Variants in ANKRD30B observed in about 807,000 individuals in gnomAD.
The protein encoded by ANKRD30B is ankyrin repeat domain 30B, also known as ankyrin repeat domain-containing protein 30B.
In ANKRD30B, 144 loss-of-function variants were observed where a neutral mutation model predicts 202.2. The observed-to-expected ratio is 0.71, with a 90% CI of 0.62 to 0.82. ANKRD30B has a LOEUF of 0.82. ANKRD30B is among the 40% of genes least tolerant of loss of function. ANKRD30B has a pLI of 0.00. For synonymous variants in ANKRD30B, 508 were observed against 561.3 expected, an observed-to-expected ratio of 0.91 and a Z score of 1.34; for missense variants, 1,487 against 1,669.1, an observed-to-expected ratio of 0.89 and a Z score of 1.90.
the ANKRD30B span, among the ~76,000 whole-genome samples, chr18:14,927,190 C>T: frequency 6.6e-6 from 1 of 152,032 alleles, no homozygotes; most frequent in South Asian, 2.1e-4. Flanking sequence ...GGTAAAGGCA[C>T]AAATTACCTT....
chr18:14,774,102 A>G (rs1286461180), intron 9 of ANKRD30B, among the ~76,000 whole-genome samples: 1 of 152,176 alleles, frequency 6.6e-6, no homozygotes, highest in African/African-American at 2.4e-5. Flanking sequence ...GCTTTTAGGT[A>G]TTGGCTGAAG....
At chr18:14,777,740 G>A (rs1323498408) in intron 9 of ANKRD30B, among the ~76,000 whole-genome samples, 3 of 151,448 alleles carry the variant, frequency 2.0e-5, no homozygotes, top group Non-Finnish European at 3.0e-5. Context: ...TCAGGAGTTC[G>A]AGACCAGCCT....
chr18:14,751,123 C>T (rs1251737539), intron 1 of ANKRD30B, among the ~76,000 whole-genome samples: 2 of 151,758 alleles, frequency 1.3e-5, no homozygotes, highest in Non-Finnish European at 2.9e-5. Context: ...TTTATCTCTG[C>T]TTATTGATTT....
rs1912798875 is a variant in ANKRD30B at position 14,748,335 on chromosome 18, G to T, written c.-85G>T. On this transcript the variant is annotated 5_prime_UTR_variant, in exon 1 of 44. Transcript: ENST00000690538. ...GAGCCGGGGGCGGGTGCTGGGGAAG[G>T]GTAAGCGGGAAGCGAGGGCGAGGGG... The T allele has an allele frequency of 3.4e-6, 4 of 1,191,678 alleles. No individual in the cohort carries two copies. Among genetic ancestry groups the T allele is most frequent in the Non-Finnish European group, 4.5e-6 (4 of 887,078 alleles). 73.8% of individuals were successfully genotyped at this position (1,191,678 alleles called of 1,614,324 possible).
chr18:14,763,879 A>G lies in ANKRD30B; in HGVS notation c.1014A>G (p.Lys338=). The G allele has an allele frequency of 8.7e-6, 14 of 1,612,748 alleles. No individual in the cohort carries two copies. Among genetic ancestry groups the G allele is most frequent in the Non-Finnish European group, 1.2e-5 (14 of 1,179,284 alleles). Reference sequence around the variant, plus strand: ...AGTCAACAGAAGAAACACCTAGGAAAATTTTGAGGCCTACAAAAGAAACAT... The same window carrying G: ...AGTCAACAGAAGAAACACCTAGGAAGATTTTGAGGCCTACAAAAGAAACAT... ...FEQSTEETPR[K]ILRPTKETSE... is the part of the protein sequence containing the mutation. The change falls in exon 7 of 44, where the codon AAA becomes AAG. Residue 338 remains lysine (K), a synonymous_variant. Coordinates refer to ENST00000690538, the MANE Select transcript of ANKRD30B (RefSeq NM_001367607.2).
At chr18:14,796,490 C>A in intron 18 of ANKRD30B, 75 bp downstream of exon 18, 1 of 1,431,526 alleles carries the variant, frequency 7.0e-7, no homozygotes, top group South Asian at 1.5e-5. Context: ...GGCTTTTATT[C>A]CCAATGTTGT....
At chr18:14,933,222 G>A in the ANKRD30B span, among the ~76,000 whole-genome samples, 5 of 152,200 alleles carry the variant, frequency 3.3e-5, no homozygotes, top group African/African-American at 7.2e-5. Context: ...TGGGGCTGTA[G>A]CCTCCTCTGC....
intron 15 of ANKRD30B, among the ~76,000 whole-genome samples, chr18:14,787,302 T>G (rs555452830): frequency 6.6e-6 from 1 of 152,328 alleles, no homozygotes; most frequent in South Asian, 2.1e-4. Flanking sequence ...TTTGTAGGAT[T>G]AATTTAAGAA....
intron 9 of ANKRD30B, 94 bp from the exon 10 acceptor site, chr18:14,777,891 C>A: frequency 3.7e-6 from 3 of 811,618 alleles, no homozygotes; most frequent in Non-Finnish European, 5.9e-6. Context: ...GGCAGTAGGC[C>A]GAGATCACAC....
chr18:14,896,685 A>G, the ANKRD30B span, among the ~76,000 whole-genome samples: 1 of 144,390 alleles, frequency 6.9e-6, no homozygotes, highest in Admixed American at 6.9e-5. Flanking sequence ...TGAAATATGG[A>G]CAGTAAGGAG....
At chr18:14,921,987 C>T in the ANKRD30B span, among the ~76,000 whole-genome samples, 1 of 152,172 alleles carries the variant, frequency 6.6e-6, no homozygotes, top group African/African-American at 2.4e-5. Context: ...ACAAAAAAAT[C>T]CTTCATTAGA....
At chr18:14,867,849 G>T in the ANKRD30B span, among the ~76,000 whole-genome samples, 1 of 152,202 alleles carries the variant, frequency 6.6e-6, no homozygotes, top group Non-Finnish European at 1.5e-5. Context: ...CCACCCAGTG[G>T]CCAGCATGAC....
At chr18:14,840,549 G>A in intron 36 of ANKRD30B, 39 bp from the exon 37 acceptor site, 1 of 1,101,650 alleles carries the variant, frequency 9.1e-7, no homozygotes, top group Non-Finnish European at 1.2e-6. Flanking sequence ...TTAAAAAATA[G>A]TAAAAAAAGA....
chr18:14,797,877 T>A (rs1408333542), intron 20 of ANKRD30B, 23 bp downstream of exon 20: 1 of 1,522,716 alleles, frequency 6.6e-7, no homozygotes, highest in East Asian at 2.5e-5. Flanking sequence ...ATTTAAATTT[T>A]AATCTGGAAT....
chr18:14,908,809 T>C, the ANKRD30B span, among the ~76,000 whole-genome samples: 1 of 152,144 alleles, frequency 6.6e-6, no homozygotes, highest in Non-Finnish European at 1.5e-5. Flanking sequence ...CTTCCAGGGC[T>C]CCTGAGGGCC....
the ANKRD30B span, among the ~76,000 whole-genome samples, chr18:14,897,291 G>T: frequency 6.6e-6 from 1 of 152,098 alleles, no homozygotes; most frequent in East Asian, 1.9e-4. Context: ...AGCAGTTCTT[G>T]TTCCTCAGCC....
intron 5 of ANKRD30B, 57 bp downstream of exon 5, chr18:14,758,009 T>C: frequency 6.6e-7 from 1 of 1,515,512 alleles, no homozygotes; most frequent in African/African-American, 1.4e-5. Context: ...CAGGGAGTTT[T>C]TGAAAGACAG....
At position 14,810,161 on chromosome 18, in the gene ANKRD30B, C is replaced by G. The variant is rs752304245; in HGVS notation, c.2469C>G (p.Asp823Glu). 4.2e-6 allele frequency: 6 copies of G among 1,439,262 alleles called. No individual in the cohort carries two copies. Among genetic ancestry groups the G allele is most frequent in the Middle Eastern group, 2.4e-4 (1 of 4,082 alleles). 89.2% of individuals were successfully genotyped at this position (1,439,262 alleles called of 1,614,324 possible). A position where few individuals can be genotyped will look rare whatever the true frequency, so the allele number is the denominator to read the frequency against. ...SLPNKALELK[D>E]RETLKAAQMF... ...CAAATAAAGCCTTAGAATTAAAGGACAGAGAAACATTAAAAGCAGGTAAAC... is the reference window on the plus strand; with the variant it reads ...CAAATAAAGCCTTAGAATTAAAGGAGAGAGAAACATTAAAAGCAGGTAAAC... The change falls in exon 28 of 44, where the codon GAC (aspartate) becomes GAG (glutamate). Residue 823 changes from aspartate to glutamate, a missense_variant. Coordinates refer to ENST00000690538, the MANE Select transcript of ANKRD30B (RefSeq NM_001367607.2).
the ANKRD30B span, among the ~76,000 whole-genome samples, chr18:14,910,392 A>G: frequency 2.7e-3 from 413 of 152,092 alleles, 3 homozygotes; most frequent in African/African-American, 9.1e-3. Flanking sequence ...AGTTTCATCT[A>G]CGTTCCTAAA....
Sources: allele counts gnomAD v4.1 joint callset (sites outside exome capture counted in the v4.1 genomes callset), GRCh38; gene constraint gnomAD v4.1.1; transcripts MANE v1.5; gene names NCBI Gene and HGNC (gene_info 2026-07-23, HGNC 2026-07-21).